DTNBP1: variants seen among roughly 807,000 people sequenced by gnomAD.
DTNBP1 encodes dystrobrevin binding protein 1.
A neutral mutation model predicts 42.8 loss-of-function variants in DTNBP1; 35 were observed. The ratio of observed to expected loss-of-function variants is 0.82; its 90% confidence interval spans 0.63 to 1.09. DTNBP1 has a LOEUF of 1.09. Among genes scored for constraint, DTNBP1 ranks in the 50% least tolerant of loss-of-function variants. The pLI, the probability that DTNBP1 is intolerant of heterozygous loss-of-function variation, is 0.00. For synonymous variants in DTNBP1, 171 were observed against 162.2 expected, an observed-to-expected ratio of 1.05 and a Z score of -0.41; for missense variants, 457 against 424.2, an observed-to-expected ratio of 1.08 and a Z score of -0.68.
intron 4 of DTNBP1, among the ~76,000 whole-genome samples, chr6:15,636,751 TTTTG>T (rs1426079447): frequency 6.6e-6 from 1 of 152,208 alleles, no homozygotes; most frequent in Non-Finnish European, 1.5e-5. Flanking sequence ...TCTCCAAAGC[TTTTG>T]TTTTAGTATT....
chr6:15,627,531 T>C, intron 4 of DTNBP1, 56 bp from the exon 5 acceptor site: 1 of 1,609,292 alleles, frequency 6.2e-7, no homozygotes, highest in Non-Finnish European at 8.5e-7. Context: ...ACAAAGAAAG[T>C]ACAGTTAACG....
intron 7 of DTNBP1, among the ~76,000 whole-genome samples, chr6:15,584,018 G>A (rs544242184): frequency 2.6e-5 from 4 of 152,124 alleles, no homozygotes; most frequent in African/African-American, 9.6e-5. Flanking sequence ...AATCAACTCC[G>A]TCTTAGAAAT....
chr6:15,627,200 T>C (rs952272402), intron 5 of DTNBP1, 143 bp downstream of exon 5: 19 of 1,094,710 alleles, frequency 1.7e-5, no homozygotes, highest in Non-Finnish European at 2.2e-5. Flanking sequence ...CCTCAACTAA[T>C]CAAAATATGA....
chr6:15,545,592 G>A (rs1773821765), intron 7 of DTNBP1, among the ~76,000 whole-genome samples: 1 of 148,522 alleles, frequency 6.7e-6, no homozygotes. Context: ...TAGGAATAAT[G>A]GCAGTTTTTT....
At chr6:15,570,154 C>A (rs1775279861) in intron 7 of DTNBP1, among the ~76,000 whole-genome samples, 2 of 151,660 alleles carry the variant, frequency 1.3e-5, no homozygotes, top group East Asian at 1.9e-4. Flanking sequence ...CTATGATTTA[C>A]TTTTTGTTAA....
intron 7 of DTNBP1, among the ~76,000 whole-genome samples, chr6:15,558,028 A>G (rs1774624765): frequency 6.6e-6 from 1 of 151,916 alleles, no homozygotes; most frequent in Admixed American, 6.6e-5. Flanking sequence ...TTGTATCTAT[A>G]TAAATATATT....
In DTNBP1 at chr6:15,573,911, T is replaced by C. The variant is rs190813607; in HGVS notation, c.511+19148A>G. Among the ~76,000 whole-genome samples, 98 of 152,266 alleles carry C rather than the reference T, an allele frequency of 6.4e-4. 1 individual carries two copies. Among genetic ancestry groups the C allele is most frequent in the Middle Eastern group, 3.4e-3 (1 of 294 alleles). Reference sequence around the variant, plus strand: ...TAGTAGAGATGGGGTTTCACCATCTTGGCCACGCTGGTCTTCAACTCCTGA... The same window carrying C: ...TAGTAGAGATGGGGTTTCACCATCTCGGCCACGCTGGTCTTCAACTCCTGA... On this transcript the variant is annotated intron_variant, in intron 7 of 9. Coordinates refer to ENST00000344537, the MANE Select transcript of DTNBP1 (RefSeq NM_032122.5).
rs774300249 is a variant in DTNBP1, at chr6:15,627,373, C to T, written c.325G>A (p.Ala109Thr). ...TTTGCTGTCATGGATTCTAAGTCTGCGATTAAAGCTGGGAGCTGCTGGAGC... is the reference window on the plus strand; with the variant it reads ...TTTGCTGTCATGGATTCTAAGTCTGTGATTAAAGCTGGGAGCTGCTGGAGC... ...EQLQQLPALI[A>T]DLESMTANLT... The change falls in exon 5 of 10, where the codon GCA becomes ACA. Residue 109 changes from alanine to threonine, a missense_variant. Physicochemically the swap from Ala to Thr is moderately conservative, Grantham distance 58 (BLOSUM62 0). Coordinates refer to ENST00000344537, the MANE Select transcript of DTNBP1 (RefSeq NM_032122.5). The T allele has an allele frequency of 1.4e-5, 23 of 1,613,512 alleles. No individual in the cohort carries two copies. The highest frequency in any genetic ancestry group is 1.0e-4 in the Admixed American group (6 of 59,982).
chr6:15,529,864 G>A (rs984135193), intron 8 of DTNBP1, among the ~76,000 whole-genome samples: 3 of 152,214 alleles, frequency 2.0e-5, no homozygotes, highest in African/African-American at 7.2e-5. Context: ...ATATCCTAAC[G>A]GCATGGAGAG....
intron 9 of DTNBP1, chr6:15,524,171 G>A: frequency 6.9e-7 from 1 of 1,444,878 alleles, no homozygotes; most frequent in Non-Finnish European, 9.2e-7. Flanking sequence ...AGTTTCCCGT[G>A]AGCCCCGCAG....
At chr6:15,601,403 G>A (rs971966819) in intron 6 of DTNBP1, among the ~76,000 whole-genome samples, 8 of 152,068 alleles carry the variant, frequency 5.3e-5, no homozygotes, top group Admixed American at 3.9e-4. Context: ...CTAGTCCAAT[G>A]TTAAGAATTT....
chr6:15,649,532 C>A (rs907814533), intron 3 of DTNBP1, among the ~76,000 whole-genome samples: 2 of 152,078 alleles, frequency 1.3e-5, no homozygotes, highest in Admixed American at 6.5e-5. Flanking sequence ...TGTTGGTTAA[C>A]AGGTACAGAG....
At chr6:15,574,690 G>C (rs560106421) in intron 7 of DTNBP1, among the ~76,000 whole-genome samples, 1 of 152,260 alleles carries the variant, frequency 6.6e-6, no homozygotes, top group Admixed American at 6.5e-5. Flanking sequence ...AAACTTTTGT[G>C]GGGGAGGAGG....
At chr6:15,644,645 G>C (rs892285831) in intron 3 of DTNBP1, among the ~76,000 whole-genome samples, 20 of 151,958 alleles carry the variant, frequency 1.3e-4, no homozygotes, top group Middle Eastern at 3.4e-3. Context: ...AATCACACAA[G>C]TATATGGAAA....
At chr6:15,529,103 A>G (rs955260564) in intron 8 of DTNBP1, among the ~76,000 whole-genome samples, 3 of 152,206 alleles carry the variant, frequency 2.0e-5, no homozygotes, top group Non-Finnish European at 4.4e-5. Flanking sequence ...TGGGCCACAC[A>G]GTGAGACCCT....
chr6:15,652,837 G>C (rs541180798), intron 1 of DTNBP1, among the ~76,000 whole-genome samples: 1 of 152,068 alleles, frequency 6.6e-6, no homozygotes, highest in African/African-American at 2.4e-5. Context: ...GCCCAGTCTG[G>C]TCTCTATCTC....
intron 5 of DTNBP1, 90 bp from the exon 6 acceptor site, chr6:15,615,489 T>A (rs1285959354): frequency 1.3e-6 from 2 of 1,520,166 alleles, no homozygotes; most frequent in African/African-American, 1.4e-5. Flanking sequence ...AAAGTTCACA[T>A]TGTTGAGATT....
At chr6:15,585,064 AATATATATATATATAT>A (rs59261831) in intron 7 of DTNBP1, among the ~76,000 whole-genome samples, 3,107 of 119,518 alleles carry the variant, frequency 0.026, 163 homozygotes, top group African/African-American at 0.057. Context: ...TTATGAAAAG[AATATATATATATATAT>A]ATATATATAT....
At chr6:15,581,305 G>A (rs959845101) in intron 7 of DTNBP1, among the ~76,000 whole-genome samples, 6 of 151,854 alleles carry the variant, frequency 4.0e-5, no homozygotes, top group South Asian at 2.1e-4. Flanking sequence ...TCAGCCTTCC[G>A]AGTAGCTGGG....
Sources: gnomAD v4.1 joint callset for allele counts (sites outside exome capture counted in the v4.1 genomes callset) on GRCh38, gnomAD v4.1.1 for gene constraint, MANE v1.5 for transcripts, NCBI Gene and HGNC (gene_info 2026-07-23, HGNC 2026-07-21) for gene names.